The following TENM2 variants were observed in gnomAD, a reference collection of about 807,000 sequenced individuals.
TENM2 encodes teneurin-2.
In TENM2, 52 loss-of-function variants were observed where a neutral mutation model predicts 245.2. That is an observed-to-expected ratio of 0.21 (90% CI 0.17 to 0.27). The LOEUF (loss-of-function observed/expected upper bound fraction) is 0.27. Ranked by LOEUF, TENM2 falls within the 10% of genes least tolerant of loss-of-function variation. The probability of loss-of-function intolerance (pLI) is 1.00; values close to 1 mark genes in which losing one functional copy is unlikely to be tolerated. For synonymous variants in TENM2, 1,363 were observed against 1,438.9 expected (o/e 0.95, Z 1.19); for missense variants, 3,046 against 3,666.8 (o/e 0.83, Z 4.37).
chr5:167,192,901 A>T, the TENM2 span, among the ~76,000 whole-genome samples: 4 of 152,100 alleles, frequency 2.6e-5, no homozygotes, highest in Non-Finnish European at 4.4e-5. Context: ...AAGGGAAAAG[A>T]TATTGCAGGA....
Position 167,410,352 on chromosome 5 carries a change from C to T in TENM2, c.502+34879C>T, listed in dbSNP as rs77626155. ...TTCAAAATATGGTGCTCAGAATCATCTTGGAAAAGAGCTATTTAAGCCTAA... is the reference window on the plus strand; with the variant it reads ...TTCAAAATATGGTGCTCAGAATCATTTTGGAAAAGAGCTATTTAAGCCTAA... On this transcript the variant is annotated intron_variant, in intron 2 of 28. Transcript: ENST00000518659. 5.8e-3 allele frequency among the ~76,000 whole-genome samples: 878 copies of T among 152,088 alleles called. 10 individuals carry two copies. The highest frequency in any genetic ancestry group is 0.02 in the African/African-American group (844 of 41,540).
At chr5:167,418,856 C>A (rs1763320026) in intron 2 of TENM2, among the ~76,000 whole-genome samples, 1 of 152,130 alleles carries the variant, frequency 6.6e-6, no homozygotes, top group African/African-American at 2.4e-5. Flanking sequence ...GCGGGAATTA[C>A]ATCCTATCCC....
At chr5:167,547,568 T>C (rs893276992) in intron 2 of TENM2, among the ~76,000 whole-genome samples, 2 of 152,202 alleles carry the variant, frequency 1.3e-5, no homozygotes, top group Non-Finnish European at 2.9e-5. Flanking sequence ...ACAGAAACTA[T>C]TTTGTCTATA....
At chr5:167,541,765 G>A (rs954108623) in intron 2 of TENM2, among the ~76,000 whole-genome samples, 5 of 152,108 alleles carry the variant, frequency 3.3e-5, no homozygotes, top group African/African-American at 4.8e-5. Context: ...CATTTCCTCT[G>A]AAACAATGTG....
intron 4 of TENM2, among the ~76,000 whole-genome samples, chr5:167,955,983 A>C (rs1702882318): frequency 6.6e-6 from 1 of 152,202 alleles, no homozygotes; most frequent in South Asian, 2.1e-4. Flanking sequence ...TTAAATTTTA[A>C]GTAGTTTTTT....
intron 2 of TENM2, among the ~76,000 whole-genome samples, chr5:167,806,077 G>C (rs1006510928): frequency 2.0e-5 from 3 of 152,124 alleles, no homozygotes; most frequent in African/African-American, 7.2e-5. Flanking sequence ...AGAAATTTAG[G>C]TAAGCCACCG....
At chr5:167,352,255 C>A (rs552162345) in intron 1 of TENM2, among the ~76,000 whole-genome samples, 1 of 152,144 alleles carries the variant, frequency 6.6e-6, no homozygotes, top group Non-Finnish European at 1.5e-5. Flanking sequence ...TTTCCACAGG[C>A]CCCCACTGTT....
the TENM2 span, among the ~76,000 whole-genome samples, chr5:167,221,577 A>G: frequency 6.6e-6 from 1 of 152,178 alleles, no homozygotes; most frequent in Non-Finnish European, 1.5e-5. Flanking sequence ...CCAAGGAAAA[A>G]CAAATACCTG....
At chr5:167,923,106 C>T (rs1455089314) in intron 3 of TENM2, among the ~76,000 whole-genome samples, 1 of 152,144 alleles carries the variant, frequency 6.6e-6, no homozygotes, top group Non-Finnish European at 1.5e-5. Context: ...GGTAGATCAC[C>T]TGAGTTCAGG....
intron 2 of TENM2, among the ~76,000 whole-genome samples, chr5:167,539,825 T>C (rs773781690): frequency 3.2e-4 from 49 of 152,196 alleles, no homozygotes; most frequent in Non-Finnish European, 6.8e-4. Context: ...TTAATATTTA[T>C]GAAATATGAT....
chr5:167,308,270 A>G (rs76904045), intron 1 of TENM2, among the ~76,000 whole-genome samples: 3 of 152,316 alleles, frequency 2.0e-5, no homozygotes, highest in African/African-American at 7.2e-5. Flanking sequence ...ACGGTGAGCC[A>G]TGCAACATGG....
chr5:166,982,881 A>C, the TENM2 span, among the ~76,000 whole-genome samples: 1 of 152,090 alleles, frequency 6.6e-6, no homozygotes, highest in Non-Finnish European at 1.5e-5. Context: ...TTCTAACTAC[A>C]TAATACTCTG....
intron 2 of TENM2, among the ~76,000 whole-genome samples, chr5:167,454,862 C>G (rs561846149): frequency 6.6e-6 from 1 of 152,264 alleles, no homozygotes; most frequent in South Asian, 2.1e-4. Context: ...GTTACATGTC[C>G]ATGATGAAAG....
the TENM2 span, among the ~76,000 whole-genome samples, chr5:167,064,212 C>T: frequency 6.6e-6 from 1 of 152,180 alleles, no homozygotes; most frequent in African/African-American, 2.4e-5. Context: ...GGATATTTTC[C>T]GCTGCACCAA....
At chr5:167,252,640 C>A in the TENM2 span, among the ~76,000 whole-genome samples, 2 of 152,246 alleles carry the variant, frequency 1.3e-5, no homozygotes, top group South Asian at 4.1e-4. Context: ...AGGTACACAG[C>A]CACCGCTAAC....
chr5:168,191,528 A>G (rs1760961123), intron 14 of TENM2, among the ~76,000 whole-genome samples: 1 of 152,128 alleles, frequency 6.6e-6, no homozygotes, highest in African/African-American at 2.4e-5. Context: ...TCAAGAAATA[A>G]AAACTGCTGG....
At chr5:167,305,571 A>G (rs1395906261) in intron 1 of TENM2, among the ~76,000 whole-genome samples, 3 of 152,222 alleles carry the variant, frequency 2.0e-5, no homozygotes, top group Non-Finnish European at 2.9e-5. Context: ...CTTTTGTTCA[A>G]TCTCAGTTTA....
At chr5:168,018,385 T>A (rs1346329008) in intron 5 of TENM2, among the ~76,000 whole-genome samples, 1 of 152,086 alleles carries the variant, frequency 6.6e-6, no homozygotes, top group East Asian at 1.9e-4. Flanking sequence ...GCTCTTTTTT[T>A]TTTTTCCTCT....
intron 27 of TENM2, among the ~76,000 whole-genome samples, chr5:168,249,716 G>T: frequency 6.6e-6 from 1 of 152,100 alleles, no homozygotes. Context: ...TGAATTAGCT[G>T]CGTGTGGTGG....
Sources: gnomAD v4.1 joint callset for allele counts (sites outside exome capture counted in the v4.1 genomes callset) on GRCh38, gnomAD v4.1.1 for gene constraint, MANE v1.5 for transcripts, NCBI Gene and HGNC (gene_info 2026-07-23, HGNC 2026-07-21) for gene names.